Variants in PTPRD observed in about 807,000 individuals in gnomAD.
The protein encoded by PTPRD is protein tyrosine phosphatase receptor type D, also known as receptor-type tyrosine-protein phosphatase delta.
A neutral mutation model predicts 214.5 loss-of-function variants in PTPRD; 34 were observed. That is an observed-to-expected ratio of 0.16 (90% CI 0.12 to 0.21). The LOEUF (loss-of-function observed/expected upper bound fraction) is 0.21. PTPRD is among the 10% of genes least tolerant of loss of function. PTPRD has a pLI of 1.00. For missense variants in PTPRD, 2,545 were observed against 2,398.7 expected, an observed-to-expected ratio of 1.06 and a Z score of -1.27; for synonymous variants, 1,128 against 845.7, an observed-to-expected ratio of 1.33 and a Z score of -5.79.
At position 9,207,770 on chromosome 9, in the gene PTPRD, G is replaced by A. The variant is rs572530788; in HGVS notation, c.-202-24407C>T. The stretch of plus-strand genomic sequence containing the variant: ...ATTTGGTCAAAGCTGTTAAATGTAA[G>A]ACTATTTGTCATAGTAAAAGAGTTG... On this transcript the variant is annotated intron_variant, in intron 9 of 45. Transcript: ENST00000381196. Among the ~76,000 whole-genome samples, 254 of 152,150 alleles carry A rather than the reference G, an allele frequency of 1.7e-3. 1 individual carries two copies. The highest frequency in any genetic ancestry group is 5.9e-3 in the African/African-American group (246 of 41,530).
At chr9:9,549,427 T>G (rs1426118744) in intron 8 of PTPRD, among the ~76,000 whole-genome samples, 1 of 152,066 alleles carries the variant, frequency 6.6e-6, no homozygotes, top group Non-Finnish European at 1.5e-5. Flanking sequence ...AGAAAAGTGT[T>G]CAACAGCATT....
rs529866719 is a variant in PTPRD at position 10,015,283 on chromosome 9, A to G, written c.-472+18435T>C. On this transcript the variant is annotated intron_variant, in intron 4 of 45. Transcript: ENST00000381196. Reference sequence around the variant, plus strand: ...TTTTTCAGCAACAAAAATATGTGCAATAACAGCTGCTGACTTAGATTTTAT... The same window carrying G: ...TTTTTCAGCAACAAAAATATGTGCAGTAACAGCTGCTGACTTAGATTTTAT... 2.1e-3 allele frequency among the ~76,000 whole-genome samples: 321 copies of G among 152,308 alleles called. 1 individual carries two copies. Among genetic ancestry groups the G allele is most frequent in the African/African-American group, 7.6e-3 (314 of 41,570 alleles).
intron 3 of PTPRD, among the ~76,000 whole-genome samples, chr9:10,206,014 T>C (rs1274830786): frequency 2.0e-5 from 3 of 150,740 alleles, no homozygotes; most frequent in Non-Finnish European, 4.4e-5. Context: ...AATCAACAAT[T>C]CCAATAATAG....
chr9:8,907,838 A>C (rs1326689431), intron 11 of PTPRD, among the ~76,000 whole-genome samples: 1 of 152,130 alleles, frequency 6.6e-6, no homozygotes, highest in East Asian at 1.9e-4. Context: ...ATTAATATAC[A>C]TGTAATATGA....
chr9:9,819,181 C>T (rs1391122447), intron 5 of PTPRD, among the ~76,000 whole-genome samples: 1 of 152,132 alleles, frequency 6.6e-6, no homozygotes, highest in Non-Finnish European at 1.5e-5. Flanking sequence ...CAGCCTCTCC[C>T]TGCCCCTCAT....
rs1239968333 is a variant in PTPRD, at chr9:8,353,876, A to ATATATGTG, written c.4662-11906_4662-11899dup. ...TATATGTGTATATATGTATATATGTATATATGTGTATATATGTATATATGT... is the reference window on the plus strand; with the variant it reads ...TATATGTGTATATATGTATATATGTATATATGTGTATATGTGTATATATGTATATATGT... On this transcript the variant is annotated intron_variant, in intron 39 of 45. Transcript: ENST00000381196. Among the ~76,000 whole-genome samples, 562 of 139,320 alleles carry ATATATGTG rather than the reference A, an allele frequency of 4.0e-3. 29 individuals are homozygous for ATATATGTG. The highest frequency in any genetic ancestry group is 0.015 in the African/African-American group (545 of 35,576). The allele number at this position is 139,320 out of a possible 152,430, so 91.4% of individuals were successfully genotyped here. A position where few individuals can be genotyped will look rare whatever the true frequency, so the allele number is the denominator to read the frequency against.
In PTPRD at chr9:9,544,559, A is replaced by G. The variant is rs573719398; in HGVS notation, c.-237+30173T>C. 1.5e-4 allele frequency among the ~76,000 whole-genome samples: 23 copies of G among 151,830 alleles called. No homozygotes were observed. In the South Asian group the frequency reaches 4.4e-3, roughly 29 times the overall value. ...GAGAACATCTCTCGACTGTGTCTTC[A>G]AATGTATTCTGAACCACAAAGAACA... is the stretch of plus-strand genomic sequence containing the variant. On this transcript the variant is annotated intron_variant, in intron 8 of 45. Coordinates refer to ENST00000381196, the MANE Select transcript of PTPRD (RefSeq NM_002839.4).
At chr9:9,404,651 G>A (rs1055647304) in intron 8 of PTPRD, among the ~76,000 whole-genome samples, 1 of 152,074 alleles carries the variant, frequency 6.6e-6, no homozygotes, top group African/African-American at 2.4e-5. Context: ...ATGAGTACAA[G>A]TGTCAAGTAG....
chr9:10,377,420 C>G (rs192961146), intron 2 of PTPRD, among the ~76,000 whole-genome samples: 1 of 151,916 alleles, frequency 6.6e-6, no homozygotes, highest in Non-Finnish European at 1.5e-5. Flanking sequence ...AGGTATATCT[C>G]CTAATGCTAT....
chr9:8,817,000 A>G (rs2096933332), intron 11 of PTPRD, among the ~76,000 whole-genome samples: 1 of 152,252 alleles, frequency 6.6e-6, no homozygotes, highest in Admixed American at 6.5e-5. Context: ...TTTACCACTC[A>G]GCATTTTTAA....
At chr9:9,765,111 G>C (rs916214162) in intron 6 of PTPRD, among the ~76,000 whole-genome samples, 2 of 152,098 alleles carry the variant, frequency 1.3e-5, no homozygotes, top group Middle Eastern at 3.2e-3. Flanking sequence ...ATATTCTAAA[G>C]TCACATTAGT....
chr9:8,599,585 T>C (rs938839907), intron 14 of PTPRD, among the ~76,000 whole-genome samples: 6 of 149,240 alleles, frequency 4.0e-5, no homozygotes, highest in Non-Finnish European at 7.4e-5. Context: ...AGGGCTCTAC[T>C]GATGGCCCTT....
chr9:10,370,603 GTCTT>G, intron 2 of PTPRD, among the ~76,000 whole-genome samples: 1 of 152,080 alleles, frequency 6.6e-6, no homozygotes, highest in Middle Eastern at 3.4e-3. Flanking sequence ...TTGAATTGAA[GTCTT>G]TCTATGAAAT....
chr9:10,436,654 C>T (rs566563446), intron 2 of PTPRD, among the ~76,000 whole-genome samples: 1 of 151,726 alleles, frequency 6.6e-6, no homozygotes, highest in African/African-American at 2.4e-5. Context: ...TCTTACTTTT[C>T]TCTCTTCTAG....
intron 8 of PTPRD, among the ~76,000 whole-genome samples, chr9:9,455,531 G>A (rs1399025746): frequency 1.3e-5 from 2 of 151,592 alleles, no homozygotes; most frequent in African/African-American, 2.4e-5. Flanking sequence ...AAAGTCTGGA[G>A]TTTACTTTTA....
In PTPRD at chr9:8,740,742, CAGTT is replaced by C. The variant is rs561858034; in HGVS notation, c.-103-6800_-103-6797del. ...GCCCTAAACATGTTTTTATGACAAT[CAGTT>C]AGGAAAAACAACAAGAGGTAGTTTA... On this transcript the variant is annotated intron_variant, in intron 11 of 45. Coordinates refer to ENST00000381196, the MANE Select transcript of PTPRD (RefSeq NM_002839.4). Among the ~76,000 whole-genome samples the C allele has an allele frequency of 4.8e-4, 72 of 149,702 alleles. No homozygotes were observed. The South Asian group carries it at 9.8e-3, about 20-fold the overall frequency.
chr9:8,341,061 T>G, intron 41 of PTPRD, 29 bp downstream of exon 41: 2 of 1,547,688 alleles, frequency 1.3e-6, no homozygotes, highest in Non-Finnish European at 1.7e-6. Context: ...ATCAAGGCTT[T>G]GGATAGTCAG....
intron 11 of PTPRD, among the ~76,000 whole-genome samples, chr9:8,804,497 C>G (rs978220416): frequency 6.6e-6 from 1 of 151,956 alleles, no homozygotes; most frequent in Non-Finnish European, 1.5e-5. Context: ...ACCTGGGAGG[C>G]TGGGACGGGA....
At chr9:9,389,719 G>A (rs903283899) in intron 9 of PTPRD, among the ~76,000 whole-genome samples, 3 of 152,022 alleles carry the variant, frequency 2.0e-5, no homozygotes, top group Admixed American at 6.6e-5. Context: ...AGCTAAGTAG[G>A]GAATCCTTGA....
Sources: allele counts gnomAD v4.1 joint callset (sites outside exome capture counted in the v4.1 genomes callset), GRCh38; gene constraint gnomAD v4.1.1; transcripts MANE v1.5; gene names NCBI Gene and HGNC (gene_info 2026-07-23, HGNC 2026-07-21).